PALS2: variants seen among roughly 807,000 people sequenced by gnomAD.
PALS2 encodes protein associated with LIN7 2, MAGUK p55 family member.
Under a neutral mutation model 61.6 loss-of-function variants are expected in PALS2, and 27 were observed. The ratio of observed to expected loss-of-function variants is 0.44; its 90% CI spans 0.32 to 0.60. The LOEUF (loss-of-function observed/expected upper bound fraction) is 0.60, where lower values mean the gene tolerates loss of function less well. PALS2 is among the 20% of genes least tolerant of loss of function. PALS2 has a pLI of 0.05. For missense variants in PALS2, 554 were observed against 639.4 expected (o/e 0.87, Z 1.44); for synonymous variants, 236 against 218.6 (o/e 1.08, Z -0.70).
chr7:24,613,436 GTTAT>G (rs768568089), intron 1 of PALS2, among the ~76,000 whole-genome samples: 2 of 151,428 alleles, frequency 1.3e-5, no homozygotes, highest in African/African-American at 2.4e-5. Context: ...CGTTTCTAAT[GTTAT>G]TTGTGTCTTG....
chr7:24,580,110 G>A (rs1304617387), intron 1 of PALS2, among the ~76,000 whole-genome samples: 2 of 152,118 alleles, frequency 1.3e-5, no homozygotes, highest in East Asian at 1.9e-4. Context: ...ACTCAGAGGG[G>A]TACATGTTGG....
chr7:24,651,083 A>C (rs1786126622), intron 5 of PALS2, among the ~76,000 whole-genome samples: 1 of 152,142 alleles, frequency 6.6e-6, no homozygotes, highest in Non-Finnish European at 1.5e-5. Context: ...GATCACCTCC[A>C]GCTTAGTGTT....
rs59645237 is a variant in PALS2, at chr7:24,644,095, C to CTTTTTTT, written c.270+2237_270+2243dup. On this transcript the variant is annotated intron_variant, in intron 3 of 11. Coordinates refer to ENST00000222644, the MANE Select transcript of PALS2 (RefSeq NM_001303037.2). ...TGCCTAAATCAATATTTTCTTTTTT[C>CTTTTTTT]TTTTTTTTTTTTTTTTACTTTTGTT... is the stretch of plus-strand genomic sequence containing the variant. 8.3e-3 allele frequency among the ~76,000 whole-genome samples: 1,117 copies of CTTTTTTT among 134,072 alleles called. 6 individuals carry two copies. Among genetic ancestry groups the CTTTTTTT allele is most frequent in the African/African-American group, 0.028 (1,014 of 36,558 alleles). 88.0% of individuals were successfully genotyped at this position (134,072 alleles called of 152,430 possible).
At chr7:24,607,553 G>A (rs1009724087) in intron 1 of PALS2, among the ~76,000 whole-genome samples, 5 of 149,482 alleles carry the variant, frequency 3.3e-5, no homozygotes, top group African/African-American at 1.2e-4. Context: ...GTGTATATAT[G>A]TATGTGTATA....
At chr7:24,645,476 G>T (rs1156997576) in intron 3 of PALS2, among the ~76,000 whole-genome samples, 1 of 152,072 alleles carries the variant, frequency 6.6e-6, no homozygotes, top group African/African-American at 2.4e-5. Flanking sequence ...ACTGGTCTAT[G>T]TGCCTGTTTT....
chr7:24,588,475 G>C (rs968312436), intron 1 of PALS2, among the ~76,000 whole-genome samples: 1 of 152,082 alleles, frequency 6.6e-6, no homozygotes, highest in Non-Finnish European at 1.5e-5. Context: ...GATGTATTTA[G>C]GTATTCTCTT....
chr7:24,675,190 G>A (rs1021505971), intron 9 of PALS2, among the ~76,000 whole-genome samples: 6 of 151,988 alleles, frequency 3.9e-5, no homozygotes, highest in South Asian at 4.2e-4. Context: ...GGAGGTAGAG[G>A]TAATACATGT....
At chr7:24,606,981 C>T (rs1783923031) in intron 1 of PALS2, among the ~76,000 whole-genome samples, 1 of 152,124 alleles carries the variant, frequency 6.6e-6, no homozygotes, top group Non-Finnish European at 1.5e-5. Context: ...AAAGTTTTGA[C>T]TATGACCTGT....
At chr7:24,655,997 A>G (rs1786396088) in intron 5 of PALS2, among the ~76,000 whole-genome samples, 1 of 152,156 alleles carries the variant, frequency 6.6e-6, no homozygotes, top group African/African-American at 2.4e-5. Flanking sequence ...TCTGTATTTA[A>G]CGAAGTAGAC....
chr7:24,616,451 A>G (rs939140799), intron 1 of PALS2, among the ~76,000 whole-genome samples: 3 of 152,102 alleles, frequency 2.0e-5, no homozygotes, highest in African/African-American at 4.8e-5. Context: ...AACTGAAAAA[A>G]CTTTTAAAGT....
chr7:24,665,583 T>G lies in PALS2; in HGVS notation c.784-5T>G. On this transcript the variant is annotated splice_polypyrimidine_tract_variant and splice_region_variant and intron_variant, in intron 6 of 11. Coordinates refer to ENST00000222644, the MANE Select transcript of PALS2 (RefSeq NM_001303037.2). Reference sequence around the variant, plus strand: ...GAGATGTACAATTCATTAATTTGATTCTAGGCTAGCCATGTAAAAGAGGGA... The same window carrying G: ...GAGATGTACAATTCATTAATTTGATGCTAGGCTAGCCATGTAAAAGAGGGA... 1 of 1,613,296 alleles carries G rather than the reference T, an allele frequency of 6.2e-7. No individual in the cohort carries two copies. Among genetic ancestry groups the G allele is most frequent in the South Asian group, 1.1e-5 (1 of 91,052 alleles).
At chr7:24,649,483 G>T in intron 3 of PALS2, 129 bp from the exon 4 acceptor site, 1 of 557,958 alleles carries the variant, frequency 1.8e-6, no homozygotes, top group Non-Finnish European at 2.9e-6. Context: ...CCTGATATTT[G>T]GGAATTTAAT....
chr7:24,587,350 A>G (rs114922096), intron 1 of PALS2, among the ~76,000 whole-genome samples: 2,453 of 152,080 alleles, frequency 0.016, 78 homozygotes, highest in African/African-American at 0.057. Flanking sequence ...GAGAAAATAA[A>G]GATACTAATA....
intron 3 of PALS2, among the ~76,000 whole-genome samples, chr7:24,648,547 G>A (rs1019521759): frequency 2.0e-5 from 3 of 151,722 alleles, no homozygotes; most frequent in Non-Finnish European, 4.4e-5. Flanking sequence ...ACCTGCCTCG[G>A]CCTCCCAAAC....
chr7:24,666,713 G>A (rs1010209903), intron 8 of PALS2, among the ~76,000 whole-genome samples: 1 of 152,082 alleles, frequency 6.6e-6, no homozygotes, highest in African/African-American at 2.4e-5. Context: ...TACAATTCCT[G>A]TTTGTCAGTT....
At chr7:24,642,303 T>C (rs911950481) in intron 3 of PALS2, among the ~76,000 whole-genome samples, 3 of 152,178 alleles carry the variant, frequency 2.0e-5, no homozygotes, top group African/African-American at 4.8e-5. Context: ...ATAGAAACTA[T>C]TGTATAACAT....
At chr7:24,620,565 A>G (rs1290767420) in intron 1 of PALS2, among the ~76,000 whole-genome samples, 2 of 151,944 alleles carry the variant, frequency 1.3e-5, no homozygotes, top group Non-Finnish European at 1.5e-5. Flanking sequence ...TCACTTTTCT[A>G]CTGACTTAAA....
intron 2 of PALS2, among the ~76,000 whole-genome samples, chr7:24,624,560 A>G (rs184188509): frequency 6.8e-6 from 1 of 146,042 alleles, no homozygotes; most frequent in East Asian, 2.1e-4. Context: ...AATACCTTTT[A>G]CAAGGTTTTC....
At chr7:24,639,018 G>A (rs1169364884) in intron 2 of PALS2, among the ~76,000 whole-genome samples, 1 of 152,164 alleles carries the variant, frequency 6.6e-6, no homozygotes, top group Non-Finnish European at 1.5e-5. Flanking sequence ...GAAAGTCAAA[G>A]GGACGAGTGG....
Sources: gnomAD v4.1 joint callset for allele counts (sites outside exome capture counted in the v4.1 genomes callset) on GRCh38, gnomAD v4.1.1 for gene constraint, MANE v1.5 for transcripts, NCBI Gene and HGNC (gene_info 2026-07-23, HGNC 2026-07-21) for gene names.